TPTE: variants seen among roughly 807,000 people sequenced by gnomAD.
TPTE encodes the protein transmembrane phosphatase with tensin homology, also known as putative tyrosine-protein phosphatase TPTE.
Under a neutral mutation model 84.1 loss-of-function variants are expected in TPTE, and 59 were observed. That is an observed-to-expected ratio of 0.70 (90% CI 0.57 to 0.87). The LOEUF is 0.87. TPTE is among the 40% of genes least tolerant of loss of function. The pLI is 0.00. For missense variants in TPTE, 382 were observed against 659.6 expected (o/e 0.58, Z 4.61); for synonymous variants, 130 against 223.5 (o/e 0.58, Z 3.73).
intron 19 of TPTE, among the ~76,000 whole-genome samples, chr21:10,592,809 TG>T: frequency 6.6e-6 from 1 of 151,142 alleles, no homozygotes; most frequent in Non-Finnish European, 1.5e-5. Flanking sequence ...ACTCCTGGTG[TG>T]TGTGTGTGTG....
At chr21:10,547,929 C>T (rs212124) in intron 7 of TPTE, among the ~76,000 whole-genome samples, 16,009 of 146,586 alleles carry the variant, frequency 0.11, 7 homozygotes, top group African/African-American at 0.29. Flanking sequence ...GGGAGAGGCC[C>T]CTAAGCCTCT....
At chr21:10,528,683 A>G (rs1164649919) in intron 3 of TPTE, among the ~76,000 whole-genome samples, 10 of 152,304 alleles carry the variant, frequency 6.6e-5, no homozygotes, top group African/African-American at 9.6e-5. Context: ...TTATCGTAAG[A>G]TTACCAATAT....
intron 17 of TPTE, among the ~76,000 whole-genome samples, chr21:10,580,417 A>T (rs1404295622): frequency 1.3e-5 from 2 of 152,312 alleles, no homozygotes; most frequent in African/African-American, 4.8e-5. Flanking sequence ...CATATCCAAA[A>T]ATATCTTGGC....
At chr21:10,530,680 A>G (rs1360593902) in intron 3 of TPTE, among the ~76,000 whole-genome samples, 18 of 152,300 alleles carry the variant, frequency 1.2e-4, no homozygotes, top group Admixed American at 2.6e-4. Flanking sequence ...AGGAATATGA[A>G]ACAGGACTTG....
At chr21:10,595,912 A>AAT in intron 19 of TPTE, 70 bp from the exon 20 acceptor site, 1 of 1,511,382 alleles carries the variant, frequency 6.6e-7, no homozygotes, top group South Asian at 1.3e-5. Flanking sequence ...CTTTATGCAA[A>AAT]AAAAAAAAAA....
At chr21:10,584,407 G>A (rs2075325341) in intron 17 of TPTE, among the ~76,000 whole-genome samples, 1 of 152,048 alleles carries the variant, frequency 6.6e-6, no homozygotes, top group African/African-American at 2.4e-5. Flanking sequence ...CATGATCATG[G>A]CTCACTACAG....
chr21:10,539,442 G>A (rs558009128), intron 4 of TPTE, among the ~76,000 whole-genome samples: 7 of 152,422 alleles, frequency 4.6e-5, no homozygotes, highest in South Asian at 4.1e-4. Flanking sequence ...AAGACTTGAC[G>A]GAGAGATCCA....
chr21:10,590,735 T>C (rs1600968381), intron 18 of TPTE, among the ~76,000 whole-genome samples: 1 of 152,308 alleles, frequency 6.6e-6, no homozygotes, highest in Non-Finnish European at 1.5e-5. Context: ...GGGCCAGGAC[T>C]AGAGTGAGGT....
At chr21:10,523,649 A>G (rs985049562) in intron 1 of TPTE, among the ~76,000 whole-genome samples, 1 of 152,298 alleles carries the variant, frequency 6.6e-6, no homozygotes, top group Non-Finnish European at 1.5e-5. Context: ...ATGGCTGCAT[A>G]GTATTCCATG....
chr21:10,553,111 GC>G (rs1424013214), intron 8 of TPTE, among the ~76,000 whole-genome samples: 519 of 152,180 alleles, frequency 3.4e-3, no homozygotes, highest in African/African-American at 0.012. Context: ...AGTATTGATA[GC>G]AAAAGCAAAC....
At chr21:10,533,017 T>C (rs1303996692) in intron 3 of TPTE, among the ~76,000 whole-genome samples, 1 of 152,302 alleles carries the variant, frequency 6.6e-6, no homozygotes, top group Non-Finnish European at 1.5e-5. Flanking sequence ...TTGGGAAATT[T>C]ATCATCATAA....
intron 23 of TPTE, 78 bp from the exon 24 acceptor site, chr21:10,605,339 G>C (rs1297258085): frequency 3.2e-6 from 5 of 1,539,370 alleles, no homozygotes; most frequent in African/African-American, 2.8e-5. Context: ...GTTTCTTCCA[G>C]CTCTAACGTG....
chr21:10,557,690 A>G (rs576512096), intron 8 of TPTE, among the ~76,000 whole-genome samples: 2 of 152,276 alleles, frequency 1.3e-5, no homozygotes, highest in Non-Finnish European at 1.5e-5. Flanking sequence ...AGGATTGGGG[A>G]TTTCTTTTAT....
intron 3 of TPTE, among the ~76,000 whole-genome samples, chr21:10,529,204 G>T (rs1179440890): frequency 1.3e-5 from 2 of 151,478 alleles, no homozygotes; most frequent in African/African-American, 2.4e-5. Context: ...AAAAAAAAGT[G>T]TTTCCTGTGC....
chr21:10,536,894 A>G (rs2145602995), intron 3 of TPTE, among the ~76,000 whole-genome samples: 1 of 152,428 alleles, frequency 6.6e-6, no homozygotes, highest in African/African-American at 2.4e-5. Flanking sequence ...GCAGAGCAAC[A>G]AGCGAGTAGC....
intron 3 of TPTE, among the ~76,000 whole-genome samples, chr21:10,529,785 C>G (rs1258120021): frequency 6.6e-6 from 1 of 152,310 alleles, no homozygotes; most frequent in East Asian, 1.9e-4. Flanking sequence ...GGGGGAGATA[C>G]TTTCAGTCTA....
chr21:10,551,137 C>G (rs1175128232), intron 7 of TPTE, among the ~76,000 whole-genome samples: 1 of 152,312 alleles, frequency 6.6e-6, no homozygotes, highest in Non-Finnish European at 1.5e-5. Context: ...TCATCCGTGT[C>G]CCTACAAAGG....
At chr21:10,536,813 C>T (rs1247580744) in intron 3 of TPTE, among the ~76,000 whole-genome samples, 2 of 152,310 alleles carry the variant, frequency 1.3e-5, no homozygotes, top group Non-Finnish European at 2.9e-5. Context: ...TAGTAGCAGG[C>T]ACATACTTAG....
chr21:10,562,701 T>C (rs1320920629), intron 10 of TPTE, among the ~76,000 whole-genome samples: 1 of 152,426 alleles, frequency 6.6e-6, no homozygotes, highest in South Asian at 2.1e-4. Flanking sequence ...GAAGACAGGC[T>C]ATTTCAAAAT....
Sources: gnomAD v4.1 joint callset for allele counts (sites outside exome capture counted in the v4.1 genomes callset) on GRCh38, gnomAD v4.1.1 for gene constraint, MANE v1.5 for transcripts, NCBI Gene and HGNC (gene_info 2026-07-23, HGNC 2026-07-21) for gene names.